Variants in TAAR1 observed in about 807,000 individuals in gnomAD.
TAAR1 encodes trace amine-associated receptor 1.
In TAAR1, 1 loss-of-function variant was observed where a neutral mutation model predicts 1.2. That is an observed-to-expected ratio of 0.81 (90% CI 0.29 to 3.86). The LOEUF (loss-of-function observed/expected upper bound fraction) is 3.86, where lower values mean the gene tolerates loss of function less well. TAAR1 is among the 30% of genes most tolerant of loss of function. The probability of loss-of-function intolerance (pLI) is 0.18; values close to 1 mark genes in which losing one functional copy is unlikely to be tolerated. For synonymous variants in TAAR1, 153 were observed against 132.2 expected (o/e 1.16, Z -1.08); for missense variants, 445 against 405.6 (o/e 1.10, Z -0.83).
In TAAR1 at chr6:132,645,082, A is replaced by G; in HGVS notation, c.922T>C (p.Tyr308His). 1 of 1,611,622 alleles carries G rather than the reference A, an allele frequency of 6.2e-7. No individual in the cohort carries two copies. Among genetic ancestry groups the G allele is most frequent in the Non-Finnish European group, 8.5e-7 (1 of 1,179,220 alleles). Residue 308 changes from tyrosine (Y) to histidine (H), a missense_variant, in exon 2 of 2, where the codon TAT becomes CAT. By Grantham distance (83) the Tyr-to-His change is moderately conservative. Transcript: ENST00000275216. ...TTCAGTGCTTTTCTAAACCAAGGAT[A>G]GAAAAATGCATAAACCATTGGATTA... is the stretch of plus-strand genomic sequence containing the variant. Reference protein sequence around the residue: ...TFNPMVYAFFYPWFRKALKMM... With the variant: ...TFNPMVYAFFHPWFRKALKMM...
chr6:132,645,978 A>G lies in TAAR1; in HGVS notation c.26T>C (p.Ile9Thr). ...GTTGTTTTTCACACAGGAAATATTA[A>G]TTATATTGTGGCAAAAGGGCATCAT... is the stretch of plus-strand genomic sequence containing the variant. MMPFCHNIINISCVKNNWS... is the reference protein window; with the variant it reads MMPFCHNITNISCVKNNWS... The change falls in exon 2 of 2, where the codon ATT becomes ACT. Residue 9 changes from isoleucine (I) to threonine (T), a missense_variant. Physicochemically the swap from Ile to Thr is moderately conservative, Grantham distance 89 (BLOSUM62 -1). Coordinates refer to ENST00000275216, the MANE Select transcript of TAAR1 (RefSeq NM_138327.4). 1 of 1,601,894 alleles carries G rather than the reference A, an allele frequency of 6.2e-7. No homozygotes were observed. The highest frequency in any genetic ancestry group is 8.5e-7 in the Non-Finnish European group (1 of 1,171,486).
rs749106682 is a variant in TAAR1, at chr6:132,645,121, A to G, written c.883T>C (p.Leu295=). ...LNDVLIWFGY[L]NSTFNPMVYA... ...ACCATTGGATTAAATGTAGAGTTCAAGTAGCCAAACCAAATCAATACATCA... is the reference window on the plus strand; with the variant it reads ...ACCATTGGATTAAATGTAGAGTTCAGGTAGCCAAACCAAATCAATACATCA... Residue 295 remains leucine, a synonymous_variant, in exon 2 of 2, where the codon TTG becomes CTG. Transcript: ENST00000275216. The G allele has an allele frequency of 2.0e-5, 32 of 1,613,144 alleles. No individual in the cohort carries two copies. Among genetic ancestry groups the G allele is most frequent in the Non-Finnish European group, 2.7e-5 (32 of 1,179,600 alleles).
In TAAR1 at chr6:132,645,187, TG is replaced by T; in HGVS notation, c.816del (p.Met273TrpfsTer13). ...ATAATGTAGTGAAGAAAAGGGTCCA[TG>T]ACTGTACAGATAAAGAAAGGGCACC... ...ICWCPFFICT[V>X]MDPFLHYIIP... On this transcript the variant is annotated frameshift_variant, in exon 2 of 2. Coordinates refer to ENST00000275216, the MANE Select transcript of TAAR1 (RefSeq NM_138327.4). LOFTEE classifies it high-confidence loss of function. 1 of 1,613,408 alleles carries T rather than the reference TG, an allele frequency of 6.2e-7. No homozygotes were observed. The highest frequency in any genetic ancestry group is 8.5e-7 in the Non-Finnish European group (1 of 1,179,680).
At chr6:132,649,695 C>A (rs536688893) in intron 1 of TAAR1, among the ~76,000 whole-genome samples, 8 of 152,160 alleles carry the variant, frequency 5.3e-5, no homozygotes, top group Admixed American at 4.6e-4. Context: ...CTTAGAAAAC[C>A]ATCAGATCTC....
intron 1 of TAAR1, among the ~76,000 whole-genome samples, chr6:132,646,903 C>T (rs1042646409): frequency 6.6e-6 from 1 of 152,194 alleles, no homozygotes; most frequent in African/African-American, 2.4e-5. Context: ...CAGAAAGAAC[C>T]AACTTGAGGT....
chr6:132,654,155 T>C (rs1777776560), intron 1 of TAAR1, among the ~76,000 whole-genome samples: 3 of 151,352 alleles, frequency 2.0e-5, no homozygotes, highest in Admixed American at 1.3e-4. Context: ...TGTCCTTAAA[T>C]GGAAGAATAG....
chr6:132,655,399 A>G (rs1194948059), intron 1 of TAAR1, among the ~76,000 whole-genome samples: 2 of 125,638 alleles, frequency 1.6e-5, no homozygotes, highest in Non-Finnish European at 1.7e-5. Flanking sequence ...TTTTTTTTTG[A>G]AACAAGGTCT....
At chr6:132,648,465 A>T (rs771514892) in intron 1 of TAAR1, among the ~76,000 whole-genome samples, 3 of 152,214 alleles carry the variant, frequency 2.0e-5, no homozygotes, top group Non-Finnish European at 4.4e-5. Context: ...TGGCAAATTC[A>T]TAGGCCTTGT....
At chr6:132,654,836 C>T (rs777762546) in intron 1 of TAAR1, among the ~76,000 whole-genome samples, 1 of 152,072 alleles carries the variant, frequency 6.6e-6, no homozygotes, top group Non-Finnish European at 1.5e-5. Context: ...ATCGAATTCA[C>T]TTTAAAATAA....
At chr6:132,650,126 T>C (rs553132230) in intron 1 of TAAR1, among the ~76,000 whole-genome samples, 8 of 152,286 alleles carry the variant, frequency 5.3e-5, no homozygotes, top group Admixed American at 2.0e-4. Flanking sequence ...ATCCAAATGA[T>C]TGGTTTCAAG....
At position 132,644,125 on chromosome 6, in the gene TAAR1, G is replaced by A. The variant is rs998805417; in HGVS notation, c.*859C>T. The stretch of plus-strand genomic sequence containing the variant: ...ATTTTTAGAAAAGTTAGAAACAACT[G>A]GAATTAACAATAGGGAATGGTTAAA... On this transcript the variant is annotated 3_prime_UTR_variant, in exon 2 of 2. Transcript: ENST00000275216. Among the ~76,000 whole-genome samples, 8 of 151,854 alleles carry A rather than the reference G, an allele frequency of 5.3e-5. No individual in the cohort carries two copies. The highest frequency in any genetic ancestry group is 1.0e-4 in the Non-Finnish European group (7 of 67,906).
Position 132,644,967 on chromosome 6 carries a change from A to G in TAAR1, c.*17T>C. ...ATGATCATCAACCGATTTGCAAAACAGTAAAATATAATAATTCTATGAACT... is the reference window on the plus strand; with the variant it reads ...ATGATCATCAACCGATTTGCAAAACGGTAAAATATAATAATTCTATGAACT... On this transcript the variant is annotated 3_prime_UTR_variant, in exon 2 of 2. Coordinates refer to ENST00000275216, the MANE Select transcript of TAAR1 (RefSeq NM_138327.4). 6.6e-7 allele frequency: 1 copy of G among 1,512,828 alleles called. No homozygotes were observed. Among genetic ancestry groups the G allele is most frequent in the South Asian group, 1.4e-5 (1 of 73,814 alleles). The allele number at this position is 1,512,828 out of a possible 1,614,324, so 93.7% of individuals were successfully genotyped here. A position where few individuals can be genotyped will look rare whatever the true frequency, so the allele number is the denominator to read the frequency against.
In TAAR1 at chr6:132,651,628, A is replaced by G. The variant is rs186736093; in HGVS notation, c.-126-5499T>C. The stretch of plus-strand genomic sequence containing the variant: ...CAGATCATTTCTCCTCATTTCTACT[A>G]CTATCACCATCCTGGTCCAAGCCAC... On this transcript the variant is annotated intron_variant, in intron 1 of 1. Transcript: ENST00000275216. 2.1e-3 allele frequency among the ~76,000 whole-genome samples: 318 copies of G among 152,300 alleles called. 2 individuals are homozygous for G. The highest frequency in any genetic ancestry group is 7.5e-3 in the African/African-American group (312 of 41,568).
chr6:132,650,331 C>G (rs1281762168), intron 1 of TAAR1, among the ~76,000 whole-genome samples: 6 of 152,210 alleles, frequency 3.9e-5, no homozygotes, highest in Non-Finnish European at 8.8e-5. Flanking sequence ...CTTAAGCTCT[C>G]TCACATTAAC....
chr6:132,656,271 T>A (rs1409031754), intron 1 of TAAR1, among the ~76,000 whole-genome samples: 3 of 152,220 alleles, frequency 2.0e-5, no homozygotes, highest in Non-Finnish European at 4.4e-5. Context: ...TTGTAGATAG[T>A]GTTCATCAAC....
chr6:132,649,589 A>G (rs1043099990), intron 1 of TAAR1, among the ~76,000 whole-genome samples: 2 of 152,186 alleles, frequency 1.3e-5, no homozygotes, highest in Non-Finnish European at 2.9e-5. Flanking sequence ...GGAAGGCCTC[A>G]GGAAACTTAC....
At chr6:132,651,644 T>C (rs1416942632) in intron 1 of TAAR1, among the ~76,000 whole-genome samples, 4 of 152,184 alleles carry the variant, frequency 2.6e-5, no homozygotes, top group Middle Eastern at 3.2e-3. Context: ...ACCATCCTGG[T>C]CCAAGCCACC....
intron 1 of TAAR1, among the ~76,000 whole-genome samples, chr6:132,652,694 A>G (rs963157736): frequency 1.0e-4 from 15 of 149,194 alleles, no homozygotes; most frequent in African/African-American, 3.5e-4. Context: ...GCTTCCCTGA[A>G]GCTATATATT....
chr6:132,646,736 T>C (rs1442761257), intron 1 of TAAR1, among the ~76,000 whole-genome samples: 1 of 152,166 alleles, frequency 6.6e-6, no homozygotes, highest in Admixed American at 6.6e-5. Flanking sequence ...AAGACCAACA[T>C]CATTTTTTGT....
Sources: gnomAD v4.1 joint callset for allele counts (sites outside exome capture counted in the v4.1 genomes callset) on GRCh38, gnomAD v4.1.1 for gene constraint, MANE v1.5 for transcripts, NCBI Gene and HGNC (gene_info 2026-07-23, HGNC 2026-07-21) for gene names.